NFIB: variants seen among roughly 807,000 people sequenced by gnomAD.
The protein encoded by NFIB is nuclear factor 1 B-type.
Under a neutral mutation model 61.5 loss-of-function variants are expected in NFIB, and 11 were observed. The observed-to-expected ratio is 0.18, with a 90% confidence interval of 0.11 to 0.30. NFIB has a LOEUF of 0.30. Among genes scored for constraint, NFIB ranks in the 10% least tolerant of loss-of-function variants. NFIB has a pLI of 1.00. For missense variants in NFIB, 471 were observed against 608.9 expected (o/e 0.77, Z 2.38); for synonymous variants, 260 against 216.5 (o/e 1.20, Z -1.76).
the NFIB span, among the ~76,000 whole-genome samples, chr9:14,515,687 G>C: frequency 0.62 from 93,783 of 151,918 alleles, 29,363 homozygotes; most frequent in Middle Eastern, 0.74. Flanking sequence ...CCCAGCTTTT[G>C]TCAAACTTGA....
the NFIB span, among the ~76,000 whole-genome samples, chr9:14,511,813 G>A: frequency 0.072 from 10,982 of 152,228 alleles, 482 homozygotes; most frequent in East Asian, 0.15. Flanking sequence ...TTTATAATAT[G>A]TTTTGATAAG....
intron 2 of NFIB, among the ~76,000 whole-genome samples, chr9:14,272,687 T>G (rs1285488101): frequency 1.6e-5 from 1 of 62,056 alleles, no homozygotes; most frequent in Non-Finnish European, 2.8e-5. Context: ...TATAATCAAT[T>G]CTCGCAAAAA....
intron 2 of NFIB, among the ~76,000 whole-genome samples, chr9:14,298,076 C>A (rs1205618035): frequency 5.3e-5 from 8 of 152,094 alleles, no homozygotes; most frequent in Admixed American, 5.2e-4. Context: ...ACTAATGGTT[C>A]TCTACTATGT....
chr9:14,158,110 CAA>C (rs372875773), intron 3 of NFIB, among the ~76,000 whole-genome samples: 8 of 64,350 alleles, frequency 1.2e-4, no homozygotes, highest in Non-Finnish European at 1.3e-4. Context: ...GACTCCATCT[CAA>C]AAAAAAAAAA....
the NFIB span, among the ~76,000 whole-genome samples, chr9:14,523,235 G>A: frequency 6.6e-6 from 1 of 152,036 alleles, no homozygotes; most frequent in African/African-American, 2.4e-5. Context: ...GAGCACACTT[G>A]GTGTTGGCTC....
chr9:14,188,786 T>G (rs1038806489), intron 2 of NFIB, among the ~76,000 whole-genome samples: 8 of 152,208 alleles, frequency 5.3e-5, no homozygotes, highest in African/African-American at 1.9e-4. Context: ...CATTTTGGAT[T>G]TCAGCTATAC....
chr9:14,390,818 G>A (rs767711911), intron 1 of NFIB, among the ~76,000 whole-genome samples: 1 of 152,138 alleles, frequency 6.6e-6, no homozygotes, highest in Non-Finnish European at 1.5e-5. Flanking sequence ...CATTGATCTG[G>A]GGCTTCCTGG....
chr9:14,508,720 C>T, the NFIB span, among the ~76,000 whole-genome samples: 1 of 152,230 alleles, frequency 6.6e-6, no homozygotes, highest in African/African-American at 2.4e-5. Flanking sequence ...TACTCCTACA[C>T]GTTGGTTTTA....
intron 1 of NFIB, among the ~76,000 whole-genome samples, chr9:14,392,525 T>TAG (rs2061636144): frequency 6.6e-6 from 1 of 152,128 alleles, no homozygotes; most frequent in Non-Finnish European, 1.5e-5. Context: ...CCCAGGAGTT[T>TAG]GAGACCGACC....
intron 2 of NFIB, among the ~76,000 whole-genome samples, chr9:14,273,847 C>A (rs1472885697): frequency 6.6e-6 from 1 of 152,168 alleles, no homozygotes; most frequent in Non-Finnish European, 1.5e-5. Flanking sequence ...AAGGAAAAGT[C>A]TCCTCCCAAG....
chr9:14,442,677 T>C, the NFIB span, among the ~76,000 whole-genome samples: 1 of 152,152 alleles, frequency 6.6e-6, no homozygotes, highest in Non-Finnish European at 1.5e-5. Context: ...TGTGTGTCTG[T>C]CTCCGTGTCA....
intron 6 of NFIB, among the ~76,000 whole-genome samples, chr9:14,128,688 T>C (rs1335795220): frequency 2.2e-5 from 3 of 133,452 alleles, no homozygotes; most frequent in Admixed American, 7.6e-5. Context: ...AGAACAAAAC[T>C]CTGTCTCAAA....
intron 1 of NFIB, among the ~76,000 whole-genome samples, chr9:14,330,626 C>T (rs2060809259): frequency 6.6e-6 from 1 of 152,162 alleles, no homozygotes; most frequent in African/African-American, 2.4e-5. Context: ...TCATCATAAG[C>T]ATCCTGTGTA....
Position 14,086,399 on chromosome 9 carries a change from G to GTGTA in NFIB, c.*1906_*1909dup. 1 of 217,534 alleles carries GTGTA rather than the reference G, an allele frequency of 4.6e-6. No individual in the cohort carries two copies. The highest frequency in any genetic ancestry group is 9.2e-6 in the Non-Finnish European group (1 of 108,208). 13.5% of individuals were successfully genotyped at this position (217,534 alleles called of 1,614,324 possible). ...CATACATTATTTTTTTTTTAAATCT[G>GTGTA]TGTACTTACCTATAATAACCAATAC... On this transcript the variant is annotated 3_prime_UTR_variant, in exon 11 of 11. Coordinates refer to ENST00000380953, the MANE Select transcript of NFIB (RefSeq NM_001190737.2).
chr9:14,333,836 T>C (rs1293180876), intron 1 of NFIB, among the ~76,000 whole-genome samples: 2 of 152,206 alleles, frequency 1.3e-5, no homozygotes. Flanking sequence ...TTATTGGCAA[T>C]GCAGAAACCG....
At chr9:14,124,061 C>T (rs924518977) in intron 7 of NFIB, among the ~76,000 whole-genome samples, 12 of 152,174 alleles carry the variant, frequency 7.9e-5, no homozygotes, top group African/African-American at 2.7e-4. Flanking sequence ...ATATCCTGAA[C>T]TCTTTAAGGA....
the NFIB span, among the ~76,000 whole-genome samples, chr9:14,453,466 A>G: frequency 6.6e-6 from 1 of 152,230 alleles, no homozygotes; most frequent in African/African-American, 2.4e-5. Context: ...TTGAATTAAG[A>G]TGCTTGAATG....
At chr9:14,293,347 G>A (rs1348497532) in intron 2 of NFIB, among the ~76,000 whole-genome samples, 3 of 152,250 alleles carry the variant, frequency 2.0e-5, no homozygotes, top group South Asian at 4.2e-4. Flanking sequence ...ATAGTACTCT[G>A]TATATATGCA....
chr9:14,382,861 G>A (rs2061504639), intron 1 of NFIB, among the ~76,000 whole-genome samples: 1 of 152,126 alleles, frequency 6.6e-6, no homozygotes, highest in African/African-American at 2.4e-5. Flanking sequence ...GAAAAAGCAA[G>A]CAAATAAAGC....
Sources: gnomAD v4.1 joint callset for allele counts (sites outside exome capture counted in the v4.1 genomes callset) on GRCh38, gnomAD v4.1.1 for gene constraint, MANE v1.5 for transcripts, NCBI Gene and HGNC (gene_info 2026-07-23, HGNC 2026-07-21) for gene names.